The following ADGRB1 variants were observed in gnomAD, a reference collection of about 807,000 sequenced individuals.
The protein encoded by ADGRB1 is adhesion G protein-coupled receptor B1, also known as brain-specific angiogenesis inhibitor 1.
Under a neutral mutation model 175.7 loss-of-function variants are expected in ADGRB1, and 36 were observed. The observed-to-expected ratio is 0.20, with a 90% CI of 0.16 to 0.27. ADGRB1 has a LOEUF of 0.27. Among genes scored for constraint, ADGRB1 ranks in the 10% least tolerant of loss-of-function variants. The pLI is 1.00. For missense variants in ADGRB1, 1,731 were observed against 2,255.3 expected, an observed-to-expected ratio of 0.77 and a Z score of 4.71; for synonymous variants, 1,054 against 979.4, an observed-to-expected ratio of 1.08 and a Z score of -1.42.
chr8:142,511,478 G>A lies in ADGRB1; in HGVS notation c.2817+405G>A, dbSNP rs1190931475. Among the ~76,000 whole-genome samples, 3 of 152,176 alleles carry A rather than the reference G, an allele frequency of 2.0e-5. No individual in the cohort carries two copies. Among genetic ancestry groups the A allele is most frequent in the Non-Finnish European group, 4.4e-5 (3 of 68,010 alleles). ...GGTCCTCTCCGCCTGCCAGGGAGAGGGAGGAGGAGGAGCTGCCGCCTTGGC... is the reference window on the plus strand; with the variant it reads ...GGTCCTCTCCGCCTGCCAGGGAGAGAGAGGAGGAGGAGCTGCCGCCTTGGC... On this transcript the variant is annotated intron_variant, in intron 18 of 30. Coordinates refer to ENST00000517894, the MANE Select transcript of ADGRB1 (RefSeq NM_001702.3). This position sits in a 1 kb window ranked among gnomAD's most constrained non-coding sequence, Gnocchi z 4.5.
intron 2 of ADGRB1, among the ~76,000 whole-genome samples, chr8:142,471,558 TCA>T (rs560169228): frequency 7.6e-4 from 116 of 152,200 alleles, no homozygotes; most frequent in Non-Finnish European, 1.2e-3. Context: ...TCAGGGAGCC[TCA>T]GTTTCCCTCC....
intron 5 of ADGRB1, 42 bp downstream of exon 5, chr8:142,477,320 G>A: frequency 6.3e-7 from 1 of 1,583,552 alleles, no homozygotes; most frequent in Non-Finnish European, 8.6e-7. Context: ...AGCCAGGGCA[G>A]CGGGGGGCCA....
Position 142,464,269 on chromosome 8 carries a change from T to C in ADGRB1, c.71T>C (p.Leu24Pro). ...CCGCTGCTACTGCTGCTGCTGCTGCTGGGACGCCGCGCGCGGGCGGCCGCC... is the reference window on the plus strand; with the variant it reads ...CCGCTGCTACTGCTGCTGCTGCTGCCGGGACGCCGCGCGCGGGCGGCCGCC... ...LAPLLLLLLLLGRRARAAAGA... is the reference protein window; with the variant it reads ...LAPLLLLLLLPGRRARAAAGA... The change falls in exon 2 of 31, where the codon CTG (leucine) becomes CCG (proline). Residue 24 changes from leucine (L) to proline (P), a missense_variant. Leu to Pro is a moderately conservative substitution (Grantham distance 98). Coordinates refer to ENST00000517894, the MANE Select transcript of ADGRB1 (RefSeq NM_001702.3). 7.4e-7 allele frequency: 1 copy of C among 1,360,210 alleles called. No individual in the cohort carries two copies. Among genetic ancestry groups the C allele is most frequent in the Non-Finnish European group, 9.4e-7 (1 of 1,065,332 alleles). 84.3% of individuals were successfully genotyped at this position (1,360,210 alleles called of 1,614,324 possible).
intron 16 of ADGRB1, 100 bp downstream of exon 16, chr8:142,489,538 A>C: frequency 4.7e-6 from 6 of 1,288,552 alleles, no homozygotes; most frequent in African/African-American, 1.5e-5. Flanking sequence ...CCTCCTCACA[A>C]CAGCTTTAAC....
chr8:142,506,766 C>T (rs1842872235), intron 17 of ADGRB1, among the ~76,000 whole-genome samples: 1 of 152,194 alleles, frequency 6.6e-6, no homozygotes, highest in Admixed American at 6.5e-5. Context: ...TGCCACCTTG[C>T]CTAAGTCGAC....
At chr8:142,526,707 G>A (rs1006790339) in intron 24 of ADGRB1, 80 bp downstream of exon 24, 135 of 1,350,206 alleles carry the variant, frequency 1.0e-4, no homozygotes, top group Admixed American at 1.2e-4. Flanking sequence ...GATGGAGAAC[G>A]CTCCATGCCC....
At chr8:142,518,408 G>A (rs1246801396) in intron 19 of ADGRB1, among the ~76,000 whole-genome samples, 167 bp downstream of exon 19, 2 of 40,176 alleles carry the variant, frequency 5.0e-5, no homozygotes, top group African/African-American at 8.3e-5. Flanking sequence ...TGGCCCCTCC[G>A]AGGCCTCCAC....
intron 1 of ADGRB1, among the ~76,000 whole-genome samples, chr8:142,458,980 T>G (rs1409026493): frequency 6.6e-6 from 1 of 152,168 alleles, no homozygotes; most frequent in Non-Finnish European, 1.5e-5. Context: ...GTTTTGCCAT[T>G]AAACTGTAAC....
chr8:142,506,187 A>T (rs761336639), intron 17 of ADGRB1, among the ~76,000 whole-genome samples: 2 of 152,210 alleles, frequency 1.3e-5, no homozygotes, highest in Admixed American at 6.5e-5. Flanking sequence ...CGACCTTGGC[A>T]GGAGCCGAGT....
rs369010012 is a variant in ADGRB1 at position 142,481,312 on chromosome 8, C to T, written c.1887C>T (p.Pro629=). The T allele has an allele frequency of 9.9e-6, 16 of 1,613,752 alleles. No homozygotes were observed. The highest frequency in any genetic ancestry group is 5.5e-5 in the South Asian group (5 of 91,092). The change falls in exon 10 of 31, where the codon CCC becomes CCT. Residue 629 remains proline, a synonymous_variant. Transcript: ENST00000517894. ...AAGGCATCGCCTACTGGGAGCCCCCCACCTACATCCGCTGTGTTTCCATTG... is the reference window on the plus strand; with the variant it reads ...AAGGCATCGCCTACTGGGAGCCCCCTACCTACATCCGCTGTGTTTCCATTG... The part of the protein sequence containing the change: ...DEEGIAYWEP[P]TYIRCVSIDY...
At chr8:142,512,838 A>G (rs191558152) in intron 18 of ADGRB1, among the ~76,000 whole-genome samples, 292 of 152,300 alleles carry the variant, frequency 1.9e-3, no homozygotes, top group Middle Eastern at 0.014. Flanking sequence ...GGGCAGGTAC[A>G]TGGGCTGAAG....
intron 23 of ADGRB1, 133 bp from the exon 24 acceptor site, chr8:142,526,409 T>C: frequency 1.3e-6 from 1 of 776,618 alleles, no homozygotes; most frequent in South Asian, 1.6e-5. Context: ...GTTCCTGTGA[T>C]GGAGGCACGG....
chr8:142,500,284 T>G (rs1398726127), intron 17 of ADGRB1, among the ~76,000 whole-genome samples: 1,925 of 10,712 alleles, frequency 0.18, 318 homozygotes, highest in Middle Eastern at 0.41. Flanking sequence ...CTCCTCCACC[T>G]CCCCACGCGC....
intron 23 of ADGRB1, among the ~76,000 whole-genome samples, 175 bp from the exon 24 acceptor site, chr8:142,526,367 G>A (rs1396737623): frequency 6.6e-6 from 1 of 152,184 alleles, no homozygotes; most frequent in East Asian, 1.9e-4. Flanking sequence ...CAGCTGGGCT[G>A]GAGGTCACCT....
rs1200613201 is a variant in ADGRB1, at chr8:142,455,347, C to T, written c.-220+5243C>T. 6.6e-6 allele frequency among the ~76,000 whole-genome samples: 1 copy of T among 152,048 alleles called. No individual in the cohort carries two copies. The highest frequency in any genetic ancestry group is 2.4e-5 in the African/African-American group (1 of 41,392). On this transcript the variant is annotated intron_variant, in intron 1 of 30. Coordinates refer to ENST00000517894, the MANE Select transcript of ADGRB1 (RefSeq NM_001702.3). The surrounding 1 kb of genome is among the most constrained non-coding windows in gnomAD (Gnocchi z 4.9). ...ACCTTAGGCTCCTGTCCCCTTCACT[C>T]GCCCCCATGGCTGTCCTCCTGCTTG...
chr8:142,459,799 C>G (rs140615269), intron 1 of ADGRB1, among the ~76,000 whole-genome samples: 1 of 152,304 alleles, frequency 6.6e-6, no homozygotes, highest in Middle Eastern at 3.4e-3. Flanking sequence ...GGCCACCAGC[C>G]CCTCCCCCAT....
rs1410102665 is a variant in ADGRB1, at chr8:142,501,440, T to C, written c.2676-9492T>C. ...GATGATGGGGTGGTGGTAGTGATGT[T>C]TGTGTGGTTTTGACGATGGAGGTGG... is the stretch of plus-strand genomic sequence containing the variant. On this transcript the variant is annotated intron_variant, in intron 17 of 30. Transcript: ENST00000517894. Among the ~76,000 whole-genome samples the C allele has an allele frequency of 1.9e-3, 104 of 54,376 alleles. 2 individuals are homozygous for C. The highest frequency in any genetic ancestry group is 2.8e-3 in the Non-Finnish European group (75 of 26,930). 35.7% of individuals were successfully genotyped at this position (54,376 alleles called of 152,430 possible).
At chr8:142,516,129 C>T (rs1843398899) in intron 18 of ADGRB1, among the ~76,000 whole-genome samples, 1 of 151,896 alleles carries the variant, frequency 6.6e-6, no homozygotes, top group Non-Finnish European at 1.5e-5. Flanking sequence ...GTGTGGGGGG[C>T]GTCAGTCGTG....
intron 11 of ADGRB1, among the ~76,000 whole-genome samples, chr8:142,482,901 C>CT (rs1397163111): frequency 6.7e-6 from 1 of 150,150 alleles, no homozygotes; most frequent in Non-Finnish European, 1.5e-5. Flanking sequence ...TGGTCACACT[C>CT]TGAGTCCTGA....
Sources: gnomAD v4.1 joint callset for allele counts (sites outside exome capture counted in the v4.1 genomes callset) on GRCh38, gnomAD v4.1.1 for gene constraint, Gnocchi (gnomAD v3.1) non-coding constraint, MANE v1.5 for transcripts, NCBI Gene and HGNC (gene_info 2026-07-23, HGNC 2026-07-21) for gene names.